The following KPNB1 variants were observed in gnomAD, a reference collection of about 807,000 sequenced individuals.
KPNB1 encodes karyopherin subunit beta 1, also known as importin subunit beta-1.
Under a neutral mutation model 113.0 loss-of-function variants are expected in KPNB1, and 7 were observed. That is an observed-to-expected ratio of 0.06 (90% CI 0.04 to 0.12). The LOEUF (loss-of-function observed/expected upper bound fraction) is 0.12. Among genes scored for constraint, KPNB1 ranks in the 10% least tolerant of loss-of-function variants. The probability of loss-of-function intolerance (pLI) is 1.00; values close to 1 mark genes in which losing one functional copy is unlikely to be tolerated. For missense variants in KPNB1, 400 were observed against 1,054.8 expected, an observed-to-expected ratio of 0.38 and a Z score of 8.60; for synonymous variants, 363 against 378.6, an observed-to-expected ratio of 0.96 and a Z score of 0.48.
intron 12 of KPNB1, among the ~76,000 whole-genome samples, 197 bp from the exon 13 acceptor site, chr17:47,672,821 C>T (rs1382036755): frequency 6.6e-6 from 1 of 152,226 alleles, no homozygotes; most frequent in Non-Finnish European, 1.5e-5. Context: ...TAAATTTTAA[C>T]TGTCTGGAGA....
At chr17:47,679,845 C>T (rs902009927) in intron 19 of KPNB1, 175 bp from the exon 20 acceptor site, 9 of 474,050 alleles carry the variant, frequency 1.9e-5, no homozygotes, top group Admixed American at 1.4e-4. Flanking sequence ...TACAGGCGCC[C>T]GCCACCACGC....
chr17:47,681,774 C>G (rs2030794227), intron 21 of KPNB1, among the ~76,000 whole-genome samples: 1 of 147,668 alleles, frequency 6.8e-6, no homozygotes, highest in Admixed American at 6.9e-5. Context: ...TCAGGTGATC[C>G]ACCTTTGTCG....
At chr17:47,664,030 C>T in intron 7 of KPNB1, 129 bp from the exon 8 acceptor site, 1 of 566,982 alleles carries the variant, frequency 1.8e-6, no homozygotes. Flanking sequence ...CCTATCTTTT[C>T]TTTCAAGCCT....
At chr17:47,658,372 G>A in intron 4 of KPNB1, 136 bp from the exon 5 acceptor site, 1 of 818,922 alleles carries the variant, frequency 1.2e-6, no homozygotes, top group East Asian at 2.7e-5. Flanking sequence ...TGCACCTTTT[G>A]GTGCAGTACA....
chr17:47,653,590 A>AGG (rs1006509750), intron 3 of KPNB1, among the ~76,000 whole-genome samples: 10 of 152,180 alleles, frequency 6.6e-5, no homozygotes, highest in African/African-American at 2.4e-4. Flanking sequence ...TACATGGGTA[A>AGG]GGCACAAAGA....
intron 2 of KPNB1, among the ~76,000 whole-genome samples, chr17:47,652,435 G>C (rs1415495859): frequency 6.6e-6 from 1 of 152,110 alleles, no homozygotes; most frequent in African/African-American, 2.4e-5. Context: ...GAATGATCTT[G>C]ATAGGGAAAT....
chr17:47,657,128 T>C, intron 4 of KPNB1, 68 bp downstream of exon 4: 3 of 1,258,934 alleles, frequency 2.4e-6, no homozygotes, highest in South Asian at 1.3e-5. Flanking sequence ...ATCAATGATA[T>C]TAGTACTACC....
chr17:47,657,696 A>T (rs1201322329), intron 4 of KPNB1, among the ~76,000 whole-genome samples: 1 of 152,214 alleles, frequency 6.6e-6, no homozygotes, highest in Admixed American at 6.5e-5. Flanking sequence ...TGCCATCTCC[A>T]TTTGCACAGA....
At chr17:47,672,616 G>A (rs958429097) in intron 12 of KPNB1, among the ~76,000 whole-genome samples, 2 of 152,058 alleles carry the variant, frequency 1.3e-5, no homozygotes, top group Non-Finnish European at 2.9e-5. Context: ...GTCTCAAACT[G>A]ACCTCAAGTG....
At chr17:47,653,249 C>T (rs1915628601) in intron 3 of KPNB1, among the ~76,000 whole-genome samples, 3 of 147,844 alleles carry the variant, frequency 2.0e-5, no homozygotes, top group Admixed American at 6.7e-5. Flanking sequence ...CGATTCGGTA[C>T]TTCTGGAGTA....
chr17:47,676,325 T>C lies in KPNB1; in HGVS notation c.1913-84T>C, dbSNP rs565066490. On this transcript the variant is annotated intron_variant, in intron 15 of 21. Transcript: ENST00000290158. ...CCTGTTGAGTGGAGCGAGTACATTT[T>C]GGGAGAGGTAGGATGGGTTATTTCT... is the stretch of plus-strand genomic sequence containing the variant. The C allele has an allele frequency of 9.8e-6, 9 of 920,762 alleles. No homozygotes were observed. The African/African-American group carries it at 1.3e-4, about 13-fold the overall frequency. The allele number at this position is 920,762 out of a possible 1,614,324, so 57.0% of individuals were successfully genotyped here.
intron 21 of KPNB1, among the ~76,000 whole-genome samples, chr17:47,681,596 T>C (rs2030779024): frequency 6.6e-6 from 1 of 151,180 alleles, no homozygotes; most frequent in Admixed American, 6.6e-5. Context: ...TTAGTAAAGA[T>C]GGGGTTTCAC....
Position 47,650,369 on chromosome 17 carries a change from C to T in KPNB1, c.41-17C>T, listed in dbSNP as rs1436238072. 11 of 1,611,776 alleles carry T rather than the reference C, an allele frequency of 6.8e-6. No homozygotes were observed. The highest frequency in any genetic ancestry group is 9.3e-6 in the Non-Finnish European group (11 of 1,179,382). ...GCCCCTCTGACCCCGCTCCGTCTCCCACTTTCCTCCCCCTAGATCGGCTGG... is the reference window on the plus strand; with the variant it reads ...GCCCCTCTGACCCCGCTCCGTCTCCTACTTTCCTCCCCCTAGATCGGCTGG... On this transcript the variant is annotated splice_polypyrimidine_tract_variant and intron_variant, in intron 1 of 21. Transcript: ENST00000290158.
chr17:47,668,574 A>G (rs1458099444), intron 10 of KPNB1, among the ~76,000 whole-genome samples, 164 bp downstream of exon 10: 1 of 152,202 alleles, frequency 6.6e-6, no homozygotes, highest in Non-Finnish European at 1.5e-5. Flanking sequence ...TAGGTTTTTA[A>G]TTACATAAGT....
intron 21 of KPNB1, among the ~76,000 whole-genome samples, chr17:47,681,228 C>G (rs567947483): frequency 1.7e-3 from 250 of 151,242 alleles, no homozygotes; most frequent in African/African-American, 5.6e-3. Flanking sequence ...TGCCACCACA[C>G]CCGACTAATT....
In KPNB1 at chr17:47,650,222, T is replaced by G; in HGVS notation, c.-23T>G. 1 of 1,418,932 alleles carries G rather than the reference T, an allele frequency of 7.0e-7. No individual in the cohort carries two copies. Among genetic ancestry groups the G allele is most frequent in the South Asian group, 1.2e-5 (1 of 84,304 alleles). The allele number at this position is 1,418,932 out of a possible 1,614,324, so 87.9% of individuals were successfully genotyped here. A position where few individuals can be genotyped will look rare whatever the true frequency, so the allele number is the denominator to read the frequency against. On this transcript the variant is annotated 5_prime_UTR_variant, in exon 1 of 22. Transcript: ENST00000290158. ...GGCCGGGCCGTCGTCTTAGGAGGAG[T>G]CGCCGCCGCCGCCACCTCCGCCATG...
At chr17:47,658,219 G>C (rs1229501745) in intron 4 of KPNB1, among the ~76,000 whole-genome samples, 1 of 152,124 alleles carries the variant, frequency 6.6e-6, no homozygotes, top group East Asian at 1.9e-4. Context: ...AAATGGTGTA[G>C]TATTTGCATA....
chr17:47,654,631 A>C (rs1915670407), intron 3 of KPNB1, among the ~76,000 whole-genome samples: 1 of 152,140 alleles, frequency 6.6e-6, no homozygotes, highest in Non-Finnish European at 1.5e-5. Context: ...TATTACTATT[A>C]AGGTTACCTC....
chr17:47,664,002 AAAG>A (rs927669647), intron 7 of KPNB1, among the ~76,000 whole-genome samples, 154 bp from the exon 8 acceptor site: 10 of 152,088 alleles, frequency 6.6e-5, no homozygotes, highest in East Asian at 3.9e-4. Flanking sequence ...AAAAAAAAGA[AAAG>A]AAAATCTTTC....
Sources: gnomAD v4.1 joint callset for allele counts (sites outside exome capture counted in the v4.1 genomes callset) on GRCh38, gnomAD v4.1.1 for gene constraint, MANE v1.5 for transcripts, NCBI Gene and HGNC (gene_info 2026-07-23, HGNC 2026-07-21) for gene names.